The following WWOX variants were observed in gnomAD, a reference collection of about 807,000 sequenced individuals.
WWOX encodes WW domain-containing oxidoreductase.
WWOX carries 69 observed loss-of-function variants against 46.2 expected under a neutral mutation model. The observed-to-expected ratio is 1.49, with a 90% confidence interval of 1.23 to 1.82. The LOEUF (loss-of-function observed/expected upper bound fraction) is 1.82, where lower values mean the gene tolerates loss of function less well. Among genes scored for constraint, WWOX ranks in the 40% most tolerant of loss-of-function variants. The pLI is 0.00. For missense variants in WWOX, 919 were observed against 542.6 expected, an observed-to-expected ratio of 1.69 and a Z score of -6.89; for synonymous variants, 359 against 202.6, an observed-to-expected ratio of 1.77 and a Z score of -6.56.
intron 8 of WWOX, among the ~76,000 whole-genome samples, chr16:78,734,301 C>A (rs2049033488): frequency 6.6e-6 from 1 of 152,074 alleles, no homozygotes; most frequent in East Asian, 1.9e-4. Flanking sequence ...CCCCCACATG[C>A]ATCTCAGGAG....
chr16:79,108,595 C>G (rs866277511), intron 8 of WWOX, among the ~76,000 whole-genome samples: 4 of 152,178 alleles, frequency 2.6e-5, no homozygotes, highest in African/African-American at 9.7e-5. Context: ...TCAAGAAAAA[C>G]ATTGCTTTAA....
intron 8 of WWOX, among the ~76,000 whole-genome samples, chr16:78,485,116 T>C (rs1788154702): frequency 6.6e-6 from 1 of 151,932 alleles, no homozygotes; most frequent in Non-Finnish European, 1.5e-5. Context: ...TTCATCTGAC[T>C]ACAGGGTTTA....
intron 8 of WWOX, among the ~76,000 whole-genome samples, chr16:78,793,774 T>C (rs897286820): frequency 6.6e-6 from 1 of 151,994 alleles, no homozygotes; most frequent in East Asian, 1.9e-4. Context: ...GAATCCAGGT[T>C]AGAAACAATG....
intron 8 of WWOX, among the ~76,000 whole-genome samples, chr16:78,603,513 G>A (rs2045673195): frequency 6.6e-6 from 1 of 152,098 alleles, no homozygotes; most frequent in African/African-American, 2.4e-5. Context: ...TGGCCAACAT[G>A]GTGAAACCCC....
At chr16:79,010,488 C>G (rs79270349) in intron 8 of WWOX, among the ~76,000 whole-genome samples, 6,919 of 152,220 alleles carry the variant, frequency 0.045, 211 homozygotes, top group African/African-American at 0.09. Flanking sequence ...CGGGACAGCT[C>G]CAGGCCCTGG....
Position 78,538,218 on chromosome 16 carries a change from C to CA in WWOX, c.1056+105494dup, listed in dbSNP as rs67413792. Among the ~76,000 whole-genome samples, 330 of 60,052 alleles carry CA rather than the reference C, an allele frequency of 5.5e-3. 22 individuals carry two copies. Among genetic ancestry groups the CA allele is most frequent in the African/African-American group, 0.018 (245 of 13,632 alleles). The allele number at this position is 60,052 out of a possible 152,430, so 39.4% of individuals were successfully genotyped here. ...TCTTTAATTAAGCTATCACTCACAC[C>CA]AAAAAAAAAAAAAAAAAAAAAAAAA... On this transcript the variant is annotated intron_variant, in intron 8 of 8. Coordinates refer to ENST00000566780, the MANE Select transcript of WWOX (RefSeq NM_016373.4).
intron 8 of WWOX, among the ~76,000 whole-genome samples, chr16:78,732,897 G>A (rs374815393): frequency 2.0e-5 from 3 of 152,168 alleles, no homozygotes; most frequent in Non-Finnish European, 2.9e-5. Flanking sequence ...AATAAGCGCT[G>A]TGTTTCGCAA....
intron 6 of WWOX, among the ~76,000 whole-genome samples, chr16:78,407,725 T>C (rs940659544): frequency 3.9e-5 from 6 of 152,172 alleles, no homozygotes; most frequent in Non-Finnish European, 5.9e-5. Flanking sequence ...TGATATATTG[T>C]GAAACATGGC....
chr16:78,773,356 G>A lies in WWOX; in HGVS notation c.1056+340604G>A, dbSNP rs528065132. Among the ~76,000 whole-genome samples the A allele has an allele frequency of 1.4e-4, 21 of 152,288 alleles. No homozygotes were observed. In the East Asian group the frequency reaches 2.5e-3, roughly 18 times the overall value. ...CCTAAGGTTTCAGGAATGTTCAGCT[G>A]TTTCCTAGCTTGGAATGGACCATCC... On this transcript the variant is annotated intron_variant, in intron 8 of 8. Transcript: ENST00000566780.
chr16:78,161,397 CTTTTCCT>C (rs1412816678), intron 4 of WWOX, among the ~76,000 whole-genome samples: 1 of 150,970 alleles, frequency 6.6e-6, no homozygotes, highest in Non-Finnish European at 1.5e-5. Context: ...TCTCTTTTTT[CTTTTCCT>C]TTTTCCTTTC....
At chr16:78,391,157 C>G (rs947054538) in intron 6 of WWOX, among the ~76,000 whole-genome samples, 1 of 151,990 alleles carries the variant, frequency 6.6e-6, no homozygotes, top group South Asian at 2.1e-4. Flanking sequence ...GGATCAGCCT[C>G]TTCCTGGATC....
intron 8 of WWOX, among the ~76,000 whole-genome samples, chr16:78,793,201 T>C (rs900114288): frequency 1.4e-4 from 22 of 152,150 alleles, no homozygotes; most frequent in African/African-American, 5.3e-4. Flanking sequence ...GCCTCCCAAG[T>C]AACTGGGACC....
chr16:78,411,936 C>T (rs34642532), intron 6 of WWOX, among the ~76,000 whole-genome samples: 8,766 of 152,186 alleles, frequency 0.058, 712 homozygotes, highest in African/African-American at 0.19. Flanking sequence ...AATCTGTTTC[C>T]GCCCGATTCC....
At chr16:79,011,555 G>C (rs937307332) in intron 8 of WWOX, among the ~76,000 whole-genome samples, 2 of 151,058 alleles carry the variant, frequency 1.3e-5, no homozygotes, top group African/African-American at 4.9e-5. Context: ...GCAGTGACAT[G>C]GTGATGGCTC....
Position 78,802,889 on chromosome 16 carries a change from C to G in WWOX, c.1056+370137C>G, listed in dbSNP as rs902101221. Among the ~76,000 whole-genome samples, 28 of 123,610 alleles carry G rather than the reference C, an allele frequency of 2.3e-4. 1 individual carries two copies. Among genetic ancestry groups the G allele is most frequent in the Admixed American group, 1.0e-4 (1 of 9,798 alleles). 81.1% of individuals were successfully genotyped at this position (123,610 alleles called of 152,430 possible). On this transcript the variant is annotated intron_variant, in intron 8 of 8. Coordinates refer to ENST00000566780, the MANE Select transcript of WWOX (RefSeq NM_016373.4). Reference sequence around the variant, plus strand: ...CAAGATGATGCCATTGCACTCCAGCCTGGGTCACAGAGCAAGACTTCATCT... The same window carrying G: ...CAAGATGATGCCATTGCACTCCAGCGTGGGTCACAGAGCAAGACTTCATCT...
At chr16:78,805,964 T>G (rs1377813527) in intron 8 of WWOX, among the ~76,000 whole-genome samples, 2 of 152,122 alleles carry the variant, frequency 1.3e-5, no homozygotes, top group Non-Finnish European at 2.9e-5. Flanking sequence ...CCCTATAATC[T>G]CGAGACAGAA....
At chr16:79,019,095 T>A (rs1204827797) in intron 8 of WWOX, among the ~76,000 whole-genome samples, 2 of 138,294 alleles carry the variant, frequency 1.4e-5, no homozygotes, top group African/African-American at 2.8e-5. Flanking sequence ...GAGGCAGAGG[T>A]TGCTGTGAGG....
At position 78,346,034 on chromosome 16, in the gene WWOX, C is replaced by T. The variant is rs1392974859; in HGVS notation, c.517-40826C>T. Among the ~76,000 whole-genome samples the T allele has an allele frequency of 2.5e-5, 3 of 121,364 alleles. 1 individual carries two copies. The highest frequency in any genetic ancestry group is 5.9e-5 in the Non-Finnish European group (3 of 50,722). The allele number at this position is 121,364 out of a possible 152,430, so 79.6% of individuals were successfully genotyped here. A position where few individuals can be genotyped will look rare whatever the true frequency, so the allele number is the denominator to read the frequency against. ...CTTCTGTGGTGTATGACTCTGAGTC[C>T]AGACAGCCTCAGCTCCAGGAAAACC... On this transcript the variant is annotated intron_variant, in intron 5 of 8. Transcript: ENST00000566780.
At chr16:78,795,003 A>G (rs2050700373) in intron 8 of WWOX, among the ~76,000 whole-genome samples, 1 of 152,162 alleles carries the variant, frequency 6.6e-6, no homozygotes, top group Non-Finnish European at 1.5e-5. Flanking sequence ...AAGTAATGGG[A>G]GTTGGAGGCT....
Sources: allele counts gnomAD v4.1 joint callset (sites outside exome capture counted in the v4.1 genomes callset), GRCh38; gene constraint gnomAD v4.1.1; transcripts MANE v1.5; gene names NCBI Gene and HGNC (gene_info 2026-07-23, HGNC 2026-07-21).